VAT1L: variants seen among roughly 807,000 people sequenced by gnomAD.
The protein encoded by VAT1L is vesicle amine transport 1 like, also known as putative NADPH-dependent quinone oxidoreductase VAT1L.
Under a neutral mutation model 44.1 loss-of-function variants are expected in VAT1L, and 34 were observed. The ratio of observed to expected loss-of-function variants is 0.77; its 90% CI spans 0.59 to 1.03. The LOEUF (loss-of-function observed/expected upper bound fraction) is 1.03, where lower values mean the gene tolerates loss of function less well. Among genes scored for constraint, VAT1L ranks in the 50% least tolerant of loss-of-function variants. VAT1L has a pLI of 0.00. For synonymous variants in VAT1L, 253 were observed against 202.2 expected (o/e 1.25, Z -2.13); for missense variants, 615 against 538.8 (o/e 1.14, Z -1.40).
chr16:77,808,924 C>G (rs962743203), intron 1 of VAT1L, among the ~76,000 whole-genome samples: 1 of 152,130 alleles, frequency 6.6e-6, no homozygotes, highest in African/African-American at 2.4e-5. Context: ...TTCTGTTTCC[C>G]CATGAGAATT....
At chr16:77,972,708 G>T (rs2018293460) in intron 8 of VAT1L, among the ~76,000 whole-genome samples, 1 of 152,020 alleles carries the variant, frequency 6.6e-6, no homozygotes, top group Non-Finnish European at 1.5e-5. Context: ...TTGAACCTGG[G>T]AGGCAGAGAT....
At chr16:77,873,199 T>C (rs888930378) in intron 4 of VAT1L, among the ~76,000 whole-genome samples, 1 of 152,208 alleles carries the variant, frequency 6.6e-6, no homozygotes, top group African/African-American at 2.4e-5. Context: ...GAAAAGGCCA[T>C]CATCTCTGGA....
chr16:77,932,623 G>A (rs2017745829), intron 7 of VAT1L, among the ~76,000 whole-genome samples: 1 of 152,150 alleles, frequency 6.6e-6, no homozygotes. Flanking sequence ...TCTTACACTT[G>A]AGAGAAAAGC....
chr16:77,849,771 C>T (rs927672449), intron 3 of VAT1L, among the ~76,000 whole-genome samples: 1 of 152,212 alleles, frequency 6.6e-6, no homozygotes, highest in African/African-American at 2.4e-5. Context: ...TTAAAACGTA[C>T]TCTGATCCAG....
At chr16:77,966,314 G>C (rs1387692634) in intron 7 of VAT1L, among the ~76,000 whole-genome samples, 3 of 152,162 alleles carry the variant, frequency 2.0e-5, no homozygotes, top group Non-Finnish European at 4.4e-5. Flanking sequence ...ACTGAGGTGT[G>C]AAGGGGTAAG....
intron 4 of VAT1L, among the ~76,000 whole-genome samples, chr16:77,867,234 T>C (rs1226059600): frequency 6.6e-6 from 1 of 152,152 alleles, no homozygotes; most frequent in African/African-American, 2.4e-5. Context: ...AAGGAAACTT[T>C]TGGGCGTGAA....
intron 7 of VAT1L, among the ~76,000 whole-genome samples, chr16:77,940,435 C>T (rs1387171695): frequency 2.0e-5 from 3 of 151,178 alleles, no homozygotes; most frequent in Non-Finnish European, 4.4e-5. Flanking sequence ...CCTCTGCCTC[C>T]CGGGTTCAAG....
intron 3 of VAT1L, among the ~76,000 whole-genome samples, chr16:77,857,364 T>C (rs1015637802): frequency 3.2e-4 from 49 of 152,162 alleles, no homozygotes; most frequent in Non-Finnish European, 5.1e-4. Flanking sequence ...ACCTCGGGAG[T>C]TGGAGAAGGG....
intron 1 of VAT1L, among the ~76,000 whole-genome samples, chr16:77,807,179 C>T (rs530857921): frequency 5.3e-5 from 8 of 152,266 alleles, no homozygotes; most frequent in Non-Finnish European, 8.8e-5. Flanking sequence ...GGAATAAACC[C>T]TGAAAGGAGA....
chr16:77,830,017 GC>G (rs2016562549), intron 3 of VAT1L, among the ~76,000 whole-genome samples: 1 of 152,120 alleles, frequency 6.6e-6, no homozygotes, highest in South Asian at 2.1e-4. Context: ...CCCATTTGAT[GC>G]TGTCACTGGT....
At chr16:77,965,421 G>C (rs1028244382) in intron 7 of VAT1L, among the ~76,000 whole-genome samples, 2 of 152,180 alleles carry the variant, frequency 1.3e-5, no homozygotes, top group African/African-American at 4.8e-5. Context: ...TGGCCTCCCA[G>C]ACACCAGAAG....
intron 7 of VAT1L, among the ~76,000 whole-genome samples, chr16:77,918,053 C>T (rs1361483458): frequency 6.6e-6 from 1 of 152,134 alleles, no homozygotes; most frequent in African/African-American, 2.4e-5. Flanking sequence ...TCTTTTCTAT[C>T]AAAAAGAAAC....
intron 7 of VAT1L, among the ~76,000 whole-genome samples, chr16:77,886,901 A>G (rs867057378): frequency 2.0e-5 from 3 of 152,128 alleles, no homozygotes; most frequent in African/African-American, 4.8e-5. Flanking sequence ...ACTACCATAT[A>G]TGTGTGTGTA....
intron 3 of VAT1L, among the ~76,000 whole-genome samples, chr16:77,842,925 C>T (rs1468394488): frequency 6.6e-6 from 1 of 152,198 alleles, no homozygotes; most frequent in Non-Finnish European, 1.5e-5. Flanking sequence ...GCATGCTGCT[C>T]AGTGCCTTGC....
intron 7 of VAT1L, among the ~76,000 whole-genome samples, chr16:77,896,300 C>A (rs1457864205): frequency 6.6e-6 from 1 of 152,194 alleles, no homozygotes; most frequent in Admixed American, 6.5e-5. Context: ...TTCCGTAAAA[C>A]CATTCCTCCC....
chr16:77,801,300 T>TA (rs1214240780), intron 1 of VAT1L: 1 of 152,166 alleles, frequency 6.6e-6, no homozygotes, highest in Non-Finnish European at 1.5e-5. Flanking sequence ...AAAACAGGAT[T>TA]ACGTTTCTTT....
At chr16:77,839,944 G>C (rs565600911) in intron 3 of VAT1L, among the ~76,000 whole-genome samples, 1 of 152,274 alleles carries the variant, frequency 6.6e-6, no homozygotes, top group East Asian at 1.9e-4. Flanking sequence ...GCATAGAGTT[G>C]AGAGTCTTTG....
intron 4 of VAT1L, among the ~76,000 whole-genome samples, chr16:77,873,856 G>A (rs1419222117): frequency 6.6e-6 from 1 of 152,134 alleles, no homozygotes; most frequent in African/African-American, 2.4e-5. Context: ...CAAAGGCCCT[G>A]AGGTCAGAAA....
At chr16:77,873,888 C>A (rs1007311886) in intron 4 of VAT1L, among the ~76,000 whole-genome samples, 2 of 152,096 alleles carry the variant, frequency 1.3e-5, no homozygotes, top group African/African-American at 2.4e-5. Context: ...AATCAAAAGG[C>A]CAAATGCCTT....
Sources: allele counts gnomAD v4.1 joint callset (sites outside exome capture counted in the v4.1 genomes callset), GRCh38; gene constraint gnomAD v4.1.1; transcripts MANE v1.5; gene names NCBI Gene and HGNC (gene_info 2026-07-23, HGNC 2026-07-21).